Variants in WDR19 observed in about 807,000 individuals in gnomAD.
The protein encoded by WDR19 is WD repeat domain 19.
In WDR19, 121 loss-of-function variants were observed where a neutral mutation model predicts 180.0. The observed-to-expected ratio is 0.67, with a 90% CI of 0.58 to 0.78. The LOEUF (loss-of-function observed/expected upper bound fraction) is 0.78. Among genes scored for constraint, WDR19 ranks in the 30% least tolerant of loss-of-function variants. The probability of loss-of-function intolerance (pLI) is 0.00; values close to 1 mark genes in which losing one functional copy is unlikely to be tolerated. For synonymous variants in WDR19, 497 were observed against 540.7 expected (o/e 0.92, Z 1.12); for missense variants, 1,450 against 1,640.7 (o/e 0.88, Z 2.01).
At chr4:39,183,544 C>G (rs910563304) in intron 1 of WDR19, among the ~76,000 whole-genome samples, 2 of 152,106 alleles carry the variant, frequency 1.3e-5, no homozygotes, top group African/African-American at 4.8e-5. Context: ...CCACCGCGCC[C>G]GGCTGGAAGG....
At chr4:39,267,049 C>T (rs998775875) in intron 29 of WDR19, among the ~76,000 whole-genome samples, 2 of 152,210 alleles carry the variant, frequency 1.3e-5, no homozygotes, top group African/African-American at 4.8e-5. Flanking sequence ...TGCCACTGCA[C>T]TCCAGCCTGG....
intron 17 of WDR19, among the ~76,000 whole-genome samples, chr4:39,230,841 G>A (rs1008455337): frequency 5.9e-5 from 9 of 152,176 alleles, no homozygotes; most frequent in Non-Finnish European, 1.3e-4. Context: ...CACTCATGTA[G>A]AGGTTCCACA....
chr4:39,252,832 C>G (rs1395305981), intron 24 of WDR19, among the ~76,000 whole-genome samples: 1 of 151,820 alleles, frequency 6.6e-6, no homozygotes, highest in Non-Finnish European at 1.5e-5. Flanking sequence ...TGAAAAAAAT[C>G]TACATTTTCT....
chr4:39,244,596 A>C (rs1379715004), intron 23 of WDR19, 44 bp downstream of exon 23: 1 of 1,610,850 alleles, frequency 6.2e-7, no homozygotes, highest in East Asian at 2.2e-5. Flanking sequence ...ATTGGAAATG[A>C]ATGTGCCTCT....
intron 36 of WDR19, among the ~76,000 whole-genome samples, chr4:39,281,229 ATAT>A (rs1736483544): frequency 3.4e-5 from 3 of 89,116 alleles, no homozygotes; most frequent in Non-Finnish European, 6.5e-5. Flanking sequence ...ATATATATAT[ATAT>A]ATATAGAGAG....
Position 39,262,418 on chromosome 4 carries a change from T to A in WDR19, c.3184-3645T>A, listed in dbSNP as rs183813319. ...CCACCGCACCCGGCCAATTTTTTAT[T>A]TTTGTAGAGATGGGTTTTTGCTATG... On this transcript the variant is annotated intron_variant, in intron 28 of 36. Transcript: ENST00000399820. Among the ~76,000 whole-genome samples, 24 of 152,266 alleles carry A rather than the reference T, an allele frequency of 1.6e-4. No individual in the cohort carries two copies. The East Asian group carries it at 4.4e-3, about 28-fold the overall frequency.
At chr4:39,237,204 A>T (rs1731470547) in intron 20 of WDR19, among the ~76,000 whole-genome samples, 1 of 152,124 alleles carries the variant, frequency 6.6e-6, no homozygotes, top group South Asian at 2.1e-4. Context: ...TGTCATAGAG[A>T]CTTTGGATTC....
At chr4:39,277,386 G>A (rs557378072) in intron 34 of WDR19, among the ~76,000 whole-genome samples, 1 of 152,222 alleles carries the variant, frequency 6.6e-6, no homozygotes, top group African/African-American at 2.4e-5. Context: ...GACTATCCCG[G>A]GCTCAGTCCT....
intron 2 of WDR19, 129 bp downstream of exon 2, chr4:39,185,946 A>T: frequency 1.3e-6 from 1 of 747,860 alleles, no homozygotes; most frequent in Non-Finnish European, 2.0e-6. Context: ...CCCAGGATGG[A>T]GTGCAGTGGC....
intron 9 of WDR19, 165 bp downstream of exon 9, chr4:39,205,901 A>C: frequency 1.5e-6 from 1 of 661,046 alleles, no homozygotes. Context: ...ATATAAAACA[A>C]AGTATAGTTG....
intron 5 of WDR19, among the ~76,000 whole-genome samples, chr4:39,198,410 A>C (rs1406293940): frequency 6.6e-6 from 1 of 151,764 alleles, no homozygotes; most frequent in African/African-American, 2.4e-5. Flanking sequence ...TACAAAAAAA[A>C]ATTAGCCAGG....
At chr4:39,206,072 A>G (rs375446732) in intron 9 of WDR19, 163 of 166,118 alleles carry the variant, frequency 9.8e-4, no homozygotes, top group African/African-American at 3.6e-3. Flanking sequence ...AGATTGGAAA[A>G]GAAGACGGAA....
At chr4:39,198,432 A>G (rs1447047263) in intron 5 of WDR19, among the ~76,000 whole-genome samples, 2 of 152,076 alleles carry the variant, frequency 1.3e-5, no homozygotes, top group Admixed American at 6.5e-5. Context: ...ATGGTGGCGG[A>G]CGCCTGTAGT....
At chr4:39,257,198 A>G (rs2109450933) in intron 27 of WDR19, among the ~76,000 whole-genome samples, 1 of 152,348 alleles carries the variant, frequency 6.6e-6, no homozygotes, top group Admixed American at 6.5e-5. Context: ...ATTTGTTGAA[A>G]GAATAAATGA....
intron 28 of WDR19, among the ~76,000 whole-genome samples, chr4:39,259,943 A>T (rs1034495638): frequency 6.6e-6 from 1 of 152,140 alleles, no homozygotes; most frequent in African/African-American, 2.4e-5. Flanking sequence ...AAATGCTTTC[A>T]TACAGTTTTT....
At chr4:39,224,723 CTG>C (rs1413162524) in intron 14 of WDR19, among the ~76,000 whole-genome samples, 159 bp from the exon 15 acceptor site, 1 of 152,092 alleles carries the variant, frequency 6.6e-6, no homozygotes, top group Non-Finnish European at 1.5e-5. Context: ...TTTCTTGAGT[CTG>C]TACCTTTCAC....
chr4:39,241,420 G>A (rs1487421854), intron 21 of WDR19, among the ~76,000 whole-genome samples: 1 of 150,076 alleles, frequency 6.7e-6, no homozygotes, highest in Non-Finnish European at 1.5e-5. Context: ...CTTGAACCCA[G>A]AAGGCGGAGG....
At chr4:39,257,668 C>T (rs1733894704) in intron 28 of WDR19, 114 bp downstream of exon 28, 3 of 899,486 alleles carry the variant, frequency 3.3e-6, no homozygotes, top group Non-Finnish European at 5.1e-6. Context: ...CCCCTACATA[C>T]CTATCGTGTA....
In WDR19 at chr4:39,266,079, A is replaced by T. The variant is rs550125129; in HGVS notation, c.3200A>T (p.Asp1067Val). Residue 1067 changes from aspartate to valine, a missense_variant, in exon 29 of 37, where the codon GAT (aspartate) becomes GTT (valine). Asp to Val is a radical substitution (Grantham distance 152). Coordinates refer to ENST00000399820, the MANE Select transcript of WDR19 (RefSeq NM_025132.4). ...MAIETVGQAKDELLTNQLIDH... is the reference protein window; with the variant it reads ...MAIETVGQAKVELLTNQLIDH... ...ATTAAACAGGTTGGTCAGGCCAAAG[A>T]TGAACTGCTGACCAATCAGCTGATA... 4 of 1,556,786 alleles carry T rather than the reference A, an allele frequency of 2.6e-6. No homozygotes were observed. The African/African-American group carries it at 5.5e-5, about 21-fold the overall frequency.
Sources: gnomAD v4.1 joint callset for allele counts (sites outside exome capture counted in the v4.1 genomes callset) on GRCh38, gnomAD v4.1.1 for gene constraint, MANE v1.5 for transcripts, NCBI Gene and HGNC (gene_info 2026-07-23, HGNC 2026-07-21) for gene names.